Variants in NUDT9 observed in about 807,000 individuals in gnomAD.
NUDT9 encodes ADP-ribose pyrophosphatase.
NUDT9 carries 31 observed loss-of-function variants against 41.0 expected under a neutral mutation model. That is an observed-to-expected ratio of 0.76 (90% CI 0.57 to 1.02). NUDT9 has a LOEUF of 1.02. NUDT9 is among the 50% of genes least tolerant of loss of function. NUDT9 has a pLI of 0.00. For synonymous variants in NUDT9, 146 were observed against 147.6 expected (o/e 0.99, Z 0.08); for missense variants, 380 against 431.4 (o/e 0.88, Z 1.06).
At chr4:87,426,898 C>T (rs1291736262) in intron 1 of NUDT9, among the ~76,000 whole-genome samples, 1 of 145,568 alleles carries the variant, frequency 6.9e-6, no homozygotes, top group Non-Finnish European at 1.5e-5. Flanking sequence ...AATTGGGAGT[C>T]GCTCAGCCTA....
intron 1 of NUDT9, among the ~76,000 whole-genome samples, chr4:87,430,542 G>C (rs1383948638): frequency 6.6e-6 from 1 of 152,048 alleles, no homozygotes; most frequent in Non-Finnish European, 1.5e-5. Context: ...CAAATTGTTT[G>C]ATGTCATTTT....
intron 1 of NUDT9, among the ~76,000 whole-genome samples, chr4:87,431,676 T>G (rs891585092): frequency 1.3e-5 from 2 of 152,228 alleles, no homozygotes; most frequent in Non-Finnish European, 2.9e-5. Flanking sequence ...GTAAGTAGAA[T>G]TTTCTTAATG....
intron 4 of NUDT9, among the ~76,000 whole-genome samples, chr4:87,443,212 T>C (rs1029245661): frequency 1.3e-5 from 2 of 152,178 alleles, no homozygotes; most frequent in Non-Finnish European, 2.9e-5. Context: ...ATATGTGGTC[T>C]GTTATTGACC....
intron 7 of NUDT9, among the ~76,000 whole-genome samples, chr4:87,457,518 T>A (rs1002005043): frequency 6.6e-6 from 1 of 152,208 alleles, no homozygotes; most frequent in Non-Finnish European, 1.5e-5. Context: ...CATTTAAATC[T>A]CTCATCCCTC....
intron 1 of NUDT9, among the ~76,000 whole-genome samples, chr4:87,427,272 T>G (rs1297740730): frequency 1.3e-5 from 2 of 152,230 alleles, no homozygotes; most frequent in African/African-American, 4.8e-5. Context: ...TTGCAGATTT[T>G]ATTTCAAAGC....
chr4:87,428,196 G>A (rs1413453199), intron 1 of NUDT9, among the ~76,000 whole-genome samples: 1 of 152,112 alleles, frequency 6.6e-6, no homozygotes, highest in Admixed American at 6.5e-5. Flanking sequence ...TAAAGTGAGT[G>A]TAAAATGAAA....
chr4:87,443,901 G>A (rs1363944593), intron 4 of NUDT9, among the ~76,000 whole-genome samples: 1 of 152,188 alleles, frequency 6.6e-6, no homozygotes, highest in East Asian at 1.9e-4. Context: ...GCCATTGAAG[G>A]TTTCAGAACG....
rs1414611064 is a variant in NUDT9 at position 87,459,174 on chromosome 4, A to T, written c.*1153A>T. The T allele has an allele frequency of 6.6e-6, 1 of 152,236 alleles. No homozygotes were observed. The highest frequency in any genetic ancestry group is 1.9e-4 in the East Asian group (1 of 5,196). The allele number at this position is 152,236 out of a possible 1,614,324, so 9.4% of individuals were successfully genotyped here. A position where few individuals can be genotyped will look rare whatever the true frequency, so the allele number is the denominator to read the frequency against. On this transcript the variant is annotated 3_prime_UTR_variant, in exon 8 of 8. Coordinates refer to ENST00000302174, the MANE Select transcript of NUDT9 (RefSeq NM_024047.5). ...GGTGGAGCTGGAGGCCATTATCCTT[A>T]GCAAACTAATGCAAGAACAGAAAAC...
intron 1 of NUDT9, among the ~76,000 whole-genome samples, chr4:87,425,358 G>A (rs6816224): frequency 0.39 from 58,854 of 150,126 alleles, 11,785 homozygotes; most frequent in African/African-American, 0.44. Context: ...AGCCTGAGTG[G>A]CACAGCAAGA....
intron 4 of NUDT9, among the ~76,000 whole-genome samples, chr4:87,444,200 T>G (rs2110179155): frequency 6.6e-6 from 1 of 152,314 alleles, no homozygotes; most frequent in Non-Finnish European, 1.5e-5. Flanking sequence ...ATATTGTTAC[T>G]TTCTTAGTTT....
At chr4:87,437,548 T>C (rs1722004858) in intron 2 of NUDT9, among the ~76,000 whole-genome samples, 1 of 151,662 alleles carries the variant, frequency 6.6e-6, no homozygotes, top group Non-Finnish European at 1.5e-5. Flanking sequence ...TCCACCATGT[T>C]AGCCAGGATG....
intron 1 of NUDT9, among the ~76,000 whole-genome samples, chr4:87,426,028 G>T (rs1274249191): frequency 6.6e-6 from 1 of 152,076 alleles, no homozygotes; most frequent in Non-Finnish European, 1.5e-5. Context: ...GCCCAGGCTG[G>T]TCTCAAACTA....
chr4:87,422,988 G>A lies in NUDT9; in HGVS notation c.83G>A (p.Arg28His). The A allele has an allele frequency of 1.2e-6, 2 of 1,612,884 alleles. No homozygotes were observed. Among genetic ancestry groups the A allele is most frequent in the Non-Finnish European group, 1.7e-6 (2 of 1,179,564 alleles). The change falls in exon 1 of 8, where the codon CGC becomes CAC. Residue 28 changes from arginine (R) to histidine (H), a missense_variant. Coordinates refer to ENST00000302174, the MANE Select transcript of NUDT9 (RefSeq NM_024047.5). ...GCCTCTGTGACTATCAGGTCCTCGC[G>A]CTGCCGCGGCATCCAGGCGTTCAGG... The part of the protein sequence containing the change: ...ALASVTIRSS[R>H]CRGIQAFRNS...
At chr4:87,431,703 A>C (rs571583188) in intron 1 of NUDT9, among the ~76,000 whole-genome samples, 32 of 152,086 alleles carry the variant, frequency 2.1e-4, no homozygotes, top group African/African-American at 6.0e-4. Flanking sequence ...TTGGATTGTT[A>C]ATTATTAGTG....
intron 5 of NUDT9, among the ~76,000 whole-genome samples, chr4:87,451,241 G>A (rs1371094688): frequency 6.6e-6 from 1 of 152,196 alleles, no homozygotes; most frequent in African/African-American, 2.4e-5. Context: ...GGAACATTGA[G>A]GAGGTCAGTG....
At chr4:87,424,255 T>TG (rs1491131624) in intron 1 of NUDT9, among the ~76,000 whole-genome samples, 1 of 18,030 alleles carries the variant, frequency 5.5e-5, no homozygotes. Context: ...CCCTAATGCG[T>TG]TTTTTTTTTT....
intron 6 of NUDT9, among the ~76,000 whole-genome samples, chr4:87,452,274 A>G (rs1722758105): frequency 6.6e-6 from 1 of 152,136 alleles, no homozygotes; most frequent in Non-Finnish European, 1.5e-5. Context: ...AAGTGCTGGG[A>G]TTACAGGTGT....
intron 2 of NUDT9, 76 bp from the exon 3 acceptor site, chr4:87,438,201 A>T: frequency 2.6e-6 from 2 of 769,838 alleles, no homozygotes; most frequent in Non-Finnish European, 2.2e-6. Context: ...TATGGATAAC[A>T]GATTGACTTT....
At position 87,458,015 on chromosome 4, in the gene NUDT9, GT is replaced by G; in HGVS notation, c.1049del (p.Leu350CysfsTer3). 1 of 1,532,016 alleles carries G rather than the reference GT, an allele frequency of 6.5e-7. No homozygotes were observed. The highest frequency in any genetic ancestry group is 8.7e-7 in the Non-Finnish European group (1 of 1,147,328). 94.9% of individuals were successfully genotyped at this position (1,532,016 alleles called of 1,614,324 possible). A position where few individuals can be genotyped will look rare whatever the true frequency, so the allele number is the denominator to read the frequency against. On this transcript the variant is annotated frameshift_variant, in exon 8 of 8. Coordinates refer to ENST00000302174, the MANE Select transcript of NUDT9 (RefSeq NM_024047.5). LOFTEE classifies it high-confidence loss of function. ...AGGACTCTGAAGCTGACTGCCATGC[GT>G]TGTAGCTGATGGTCTCCGTGTAAGC... ...SEDSEADCHA[L>X]
Sources: gnomAD v4.1 joint callset for allele counts (sites outside exome capture counted in the v4.1 genomes callset) on GRCh38, gnomAD v4.1.1 for gene constraint, MANE v1.5 for transcripts, NCBI Gene and HGNC (gene_info 2026-07-23, HGNC 2026-07-21) for gene names.